The following GARNL3 variants were observed in gnomAD, a reference collection of about 807,000 sequenced individuals.
The protein encoded by GARNL3 is GTPase activating Rap/RanGAP domain like 3.
Under a neutral mutation model 125.0 loss-of-function variants are expected in GARNL3, and 63 were observed. The observed-to-expected ratio is 0.50, with a 90% CI of 0.41 to 0.62. The LOEUF (loss-of-function observed/expected upper bound fraction) is 0.62, where lower values mean the gene tolerates loss of function less well. Among genes scored for constraint, GARNL3 ranks in the 20% least tolerant of loss-of-function variants. The pLI, the probability that GARNL3 is intolerant of heterozygous loss-of-function variation, is 0.00. For missense variants in GARNL3, 994 were observed against 1,244.0 expected (o/e 0.80, Z 3.02); for synonymous variants, 439 against 457.5 (o/e 0.96, Z 0.52).
intron 1 of GARNL3, among the ~76,000 whole-genome samples, 195 bp downstream of exon 1, chr9:127,265,216 A>G (rs2063678057): frequency 6.6e-6 from 1 of 152,170 alleles, no homozygotes; most frequent in Non-Finnish European, 1.5e-5. Flanking sequence ...ATTGTTACAT[A>G]CTTTTTAATC....
chr9:127,305,722 A>G (rs1358718269), intron 2 of GARNL3, among the ~76,000 whole-genome samples: 2 of 151,774 alleles, frequency 1.3e-5, no homozygotes, highest in African/African-American at 4.8e-5. Flanking sequence ...ACAGGCACAC[A>G]CTACCATACC....
intron 1 of GARNL3, among the ~76,000 whole-genome samples, chr9:127,268,192 C>T (rs1252150493): frequency 6.6e-6 from 1 of 152,192 alleles, no homozygotes; most frequent in Non-Finnish European, 1.5e-5. Flanking sequence ...AACTAGCAGC[C>T]TCACACCGTG....
chr9:127,362,561 C>T (rs957850465), intron 21 of GARNL3: 3 of 152,328 alleles, frequency 2.0e-5, no homozygotes, highest in Non-Finnish European at 4.4e-5. Context: ...TCGGCCCCTC[C>T]CGTGGAGAAG....
chr9:127,389,277 C>T (rs1421062379), intron 26 of GARNL3, among the ~76,000 whole-genome samples, 158 bp downstream of exon 26: 1 of 152,170 alleles, frequency 6.6e-6, no homozygotes, highest in Non-Finnish European at 1.5e-5. Flanking sequence ...CCAAGGAATA[C>T]ACTATAATGT....
intron 6 of GARNL3, 88 bp downstream of exon 6, chr9:127,320,866 G>C: frequency 1.2e-6 from 1 of 864,178 alleles, no homozygotes; most frequent in South Asian, 1.6e-5. Context: ...CCTTATCCTG[G>C]GATGCAAAGC....
rs1235870984 is a variant in GARNL3 at position 127,280,568 on chromosome 9, G to C, written c.145-10600G>C. Among the ~76,000 whole-genome samples, 1 of 152,134 alleles carries C rather than the reference G, an allele frequency of 6.6e-6. No homozygotes were observed. The highest frequency in any genetic ancestry group is 2.4e-5 in the African/African-American group (1 of 41,414). On this transcript the variant is annotated intron_variant, in intron 1 of 27. Coordinates refer to ENST00000373387, the MANE Select transcript of GARNL3 (RefSeq NM_032293.5). This position sits in a 1 kb window ranked among gnomAD's most constrained non-coding sequence, Gnocchi z 4.5. Reference sequence around the variant, plus strand: ...AGCAACAAAGCCAGACACCAAATACGTTTCTCGATTCTTCTCCATTGGCCG... The same window carrying C: ...AGCAACAAAGCCAGACACCAAATACCTTTCTCGATTCTTCTCCATTGGCCG...
chr9:127,276,643 T>C (rs2063964739), intron 1 of GARNL3, among the ~76,000 whole-genome samples: 1 of 152,264 alleles, frequency 6.6e-6, no homozygotes, highest in African/African-American at 2.4e-5. Flanking sequence ...TGCCCCAAGC[T>C]GAACTCACCC....
At chr9:127,373,304 A>G (rs1268494655) in intron 22 of GARNL3, among the ~76,000 whole-genome samples, 1 of 152,224 alleles carries the variant, frequency 6.6e-6, no homozygotes, top group East Asian at 1.9e-4. Context: ...TTAGTGAGTT[A>G]GGTTGAGATC....
chr9:127,335,067 G>C (rs556418094), intron 9 of GARNL3, among the ~76,000 whole-genome samples, 163 bp from the exon 10 acceptor site: 1 of 152,200 alleles, frequency 6.6e-6, no homozygotes, highest in Non-Finnish European at 1.5e-5. Context: ...CTTTCCATGT[G>C]GGGGGTTGCA....
chr9:127,388,804 G>A (rs1351095413), intron 25 of GARNL3, 100 bp from the exon 26 acceptor site: 15 of 760,736 alleles, frequency 2.0e-5, no homozygotes, highest in Middle Eastern at 2.6e-4. Flanking sequence ...GTGACATAAC[G>A]TCTTCCTTCA....
At position 127,336,229 on chromosome 9, in the gene GARNL3, C is replaced by T; in HGVS notation, c.975C>T (p.His325=). Residue 325 remains histidine (H), a synonymous_variant, in exon 11 of 28, where the codon CAC becomes CAT. Transcript: ENST00000373387. ...TTAAGCCTTCCATGATCCGCTCCCA[C>T]TTTACACGTATCCTGGGCCTTTGTA... The part of the protein sequence containing the change: ...PAFKPSMIRS[H]FTHIFALVRY... 6.2e-7 allele frequency: 1 copy of T among 1,608,862 alleles called. No individual in the cohort carries two copies. The highest frequency in any genetic ancestry group is 8.5e-7 in the Non-Finnish European group (1 of 1,175,318).
chr9:127,353,270 A>G (rs1292857475), intron 17 of GARNL3, among the ~76,000 whole-genome samples: 4 of 152,160 alleles, frequency 2.6e-5, no homozygotes, highest in African/African-American at 7.2e-5. Context: ...GAGATTTCCT[A>G]TTCCTTTGGG....
chr9:127,279,527 C>A (rs2064049720), intron 1 of GARNL3, among the ~76,000 whole-genome samples: 1 of 152,132 alleles, frequency 6.6e-6, no homozygotes, highest in African/African-American at 2.4e-5. Context: ...TTTTCCTCCT[C>A]CAGTGAAGAT....
At chr9:127,380,198 A>G (rs1832168747) in intron 22 of GARNL3, among the ~76,000 whole-genome samples, 1 of 69,232 alleles carries the variant, frequency 1.4e-5, no homozygotes, top group African/African-American at 4.5e-5. Context: ...GTCTCAAAAA[A>G]TATGTGTGTG....
chr9:127,338,090 A>T, intron 11 of GARNL3, 26 bp from the exon 12 acceptor site: 1 of 1,577,106 alleles, frequency 6.3e-7, no homozygotes, highest in Non-Finnish European at 8.7e-7. Context: ...CAGTGTTGTG[A>T]TTAGTTCCCT....
rs757879387 is a variant in GARNL3 at position 127,318,918 on chromosome 9, T to C, written c.503+791T>C. Among the ~76,000 whole-genome samples, 15 of 152,192 alleles carry C rather than the reference T, an allele frequency of 9.9e-5. No individual in the cohort carries two copies. In the East Asian group the frequency reaches 2.7e-3, roughly 27 times the overall value. On this transcript the variant is annotated intron_variant, in intron 5 of 27. Coordinates refer to ENST00000373387, the MANE Select transcript of GARNL3 (RefSeq NM_032293.5). ...TTGGAGCCTCAGAGAAGTGAAGGGA[T>C]CTGACAAAGATCTCACAGCTGGTAA...
intron 22 of GARNL3, among the ~76,000 whole-genome samples, chr9:127,374,295 C>G (rs968421856): frequency 6.6e-6 from 1 of 151,666 alleles, no homozygotes; most frequent in African/African-American, 2.4e-5. Context: ...GAGCAAAACT[C>G]TGTCTCAAAA....
rs746006977 is a variant in GARNL3 at position 127,332,288 on chromosome 9, C to G, written c.609C>G (p.Phe203Leu). 1 of 1,613,420 alleles carries G rather than the reference C, an allele frequency of 6.2e-7. No individual in the cohort carries two copies. The highest frequency in any genetic ancestry group is 1.1e-5 in the South Asian group (1 of 91,050). Residue 203 changes from phenylalanine to leucine, a missense_variant, in exon 8 of 28, where the codon TTC becomes TTG. Around this residue, in one of 5 missense-constraint regions of GARNL3, gnomAD observed 139 missense variants for 231.6 expected, o/e 0.60. Transcript: ENST00000373387. ...ATTATCCTAAGGGCTCTGTGAATTT[C>G]AAGTTTGGGGTTCTTTTTGCCAAAG... ...VLEEQEGSVN[F>L]KFGVLFAKDG... is the part of the protein sequence containing the mutation.
rs58146640 is a variant in GARNL3 at position 127,228,540 on chromosome 9, C to G, written c.-29+4202C>G. 6.6e-4 allele frequency among the ~76,000 whole-genome samples: 101 copies of G among 152,248 alleles called. 1 individual carries two copies. Among genetic ancestry groups the G allele is most frequent in the African/African-American group, 2.4e-3 (98 of 41,554 alleles). On this transcript the variant is annotated intron_variant, in intron 1 of 10. Transcript: ENST00000439286. ...TTCTTTGTTTCATAGTGAGGTGAAA[C>G]TTTTCCTTGTATTTATCCATAATTT...
Sources: gnomAD v4.1 joint callset for allele counts (sites outside exome capture counted in the v4.1 genomes callset) on GRCh38, gnomAD v4.1.1 for gene constraint, gnomAD v4.1.1 regional missense constraint, Gnocchi (gnomAD v3.1) non-coding constraint, MANE v1.5 for transcripts, NCBI Gene and HGNC (gene_info 2026-07-23, HGNC 2026-07-21) for gene names.